Variants in FRMD3 observed in about 807,000 individuals in gnomAD.
FRMD3 encodes the protein FERM domain-containing protein 3.
Under a neutral mutation model 70.2 loss-of-function variants are expected in FRMD3, and 33 were observed. The ratio of observed to expected loss-of-function variants is 0.47; its 90% confidence interval spans 0.36 to 0.63. FRMD3 has a LOEUF of 0.63. FRMD3 is among the 20% of genes least tolerant of loss of function. The pLI is 0.00. For synonymous variants in FRMD3, 279 were observed against 255.9 expected (o/e 1.09, Z -0.86); for missense variants, 632 against 711.4 (o/e 0.89, Z 1.27).
intron 6 of FRMD3, among the ~76,000 whole-genome samples, chr9:83,317,505 C>T (rs1398451709): frequency 6.6e-6 from 1 of 152,160 alleles, no homozygotes; most frequent in African/African-American, 2.4e-5. Flanking sequence ...ACAGAGCTAG[C>T]CATTCTCATT....
At chr9:83,258,893 C>T (rs1032895702) in intron 13 of FRMD3, among the ~76,000 whole-genome samples, 3 of 152,182 alleles carry the variant, frequency 2.0e-5, no homozygotes, top group African/African-American at 7.2e-5. Flanking sequence ...TTAGGAACCA[C>T]CATACTAGTT....
At chr9:83,438,582 T>G (rs1227934840) in intron 1 of FRMD3, among the ~76,000 whole-genome samples, 1 of 152,138 alleles carries the variant, frequency 6.6e-6, no homozygotes, top group Non-Finnish European at 1.5e-5. Context: ...GTATTTTTAG[T>G]AGAGACAGGG....
chr9:83,572,865 T>C, the FRMD3 span, among the ~76,000 whole-genome samples: 1 of 152,188 alleles, frequency 6.6e-6, no homozygotes, highest in Non-Finnish European at 1.5e-5. Context: ...TTATGAAATA[T>C]TCAATAAAAA....
chr9:83,245,465 C>A lies in FRMD3; in HGVS notation c.*2453G>T. ...TCAGCAGACCCTATTCTGTCAACTT[C>A]TTCACTTAAAAACATTTCTATTCAA... On this transcript the variant is annotated 3_prime_UTR_variant, in exon 14 of 14. Transcript: ENST00000304195. The A allele has an allele frequency of 1.0e-6, 1 of 984,950 alleles. No homozygotes were observed. Among genetic ancestry groups the A allele is most frequent in the Non-Finnish European group, 1.2e-6 (1 of 829,550 alleles). 61.0% of individuals were successfully genotyped at this position (984,950 alleles called of 1,614,324 possible). A position where few individuals can be genotyped will look rare whatever the true frequency, so the allele number is the denominator to read the frequency against.
chr9:83,369,404 T>C (rs887528099), intron 3 of FRMD3, among the ~76,000 whole-genome samples: 33 of 151,862 alleles, frequency 2.2e-4, no homozygotes, highest in African/African-American at 7.7e-4. Context: ...GGCAAAACCC[T>C]GTCTCTACTA....
the FRMD3 span, among the ~76,000 whole-genome samples, chr9:83,579,792 T>C: frequency 6.6e-6 from 1 of 152,176 alleles, no homozygotes; most frequent in Non-Finnish European, 1.5e-5. Context: ...AATGTAATTG[T>C]ATCAAACTAA....
the FRMD3 span, among the ~76,000 whole-genome samples, chr9:83,550,687 A>AGTGTGTGTGT: frequency 0.026 from 3,677 of 138,870 alleles, 67 homozygotes; most frequent in East Asian, 0.04. Flanking sequence ...AGTCCTAGGT[A>AGTGTGTGTGT]GTGTGTGTGT....
intron 2 of FRMD3, among the ~76,000 whole-genome samples, chr9:83,387,960 T>G (rs1304078950): frequency 1.3e-5 from 2 of 152,102 alleles, no homozygotes; most frequent in African/African-American, 2.4e-5. Context: ...TGGGAACCAG[T>G]GTTACTCAGT....
At chr9:83,392,657 A>C (rs1244670102) in intron 1 of FRMD3, among the ~76,000 whole-genome samples, 1 of 152,130 alleles carries the variant, frequency 6.6e-6, no homozygotes, top group Non-Finnish European at 1.5e-5. Flanking sequence ...CTCATGGAAA[A>C]CATGAGGTCT....
chr9:83,444,323 T>C (rs1827393491), intron 1 of FRMD3, among the ~76,000 whole-genome samples: 1 of 152,198 alleles, frequency 6.6e-6, no homozygotes, highest in Non-Finnish European at 1.5e-5. Flanking sequence ...TTTTTACACA[T>C]AAAACCAAGC....
At chr9:83,371,787 A>G (rs1824982370) in intron 3 of FRMD3, among the ~76,000 whole-genome samples, 2 of 152,078 alleles carry the variant, frequency 1.3e-5, no homozygotes, top group Admixed American at 1.3e-4. Flanking sequence ...AACCAGACAG[A>G]GTTTGCCCTT....
chr9:83,345,510 C>G (rs1240986432), intron 4 of FRMD3, among the ~76,000 whole-genome samples: 1 of 152,148 alleles, frequency 6.6e-6, no homozygotes, highest in African/African-American at 2.4e-5. Flanking sequence ...GTAATCCCAG[C>G]AATTTGGGAG....
intron 1 of FRMD3, among the ~76,000 whole-genome samples, chr9:83,435,757 T>A (rs576375050): frequency 5.2e-4 from 79 of 152,356 alleles, no homozygotes; most frequent in African/African-American, 1.9e-3. Flanking sequence ...AAAATTGAGA[T>A]GTTTTTAGGG....
At chr9:83,440,264 T>C (rs935310412) in intron 1 of FRMD3, among the ~76,000 whole-genome samples, 11 of 152,228 alleles carry the variant, frequency 7.2e-5, no homozygotes, top group Non-Finnish European at 1.0e-4. Context: ...CAAACTGTCA[T>C]TTAGATTAAT....
chr9:83,444,048 G>A (rs1827385235), intron 1 of FRMD3, among the ~76,000 whole-genome samples: 1 of 152,168 alleles, frequency 6.6e-6, no homozygotes, highest in Non-Finnish European at 1.5e-5. Flanking sequence ...ATGTTCAAAT[G>A]TTACAATTAA....
intron 1 of FRMD3, among the ~76,000 whole-genome samples, chr9:83,399,963 C>G (rs532442362): frequency 6.6e-6 from 1 of 151,376 alleles, no homozygotes; most frequent in Admixed American, 6.6e-5. Context: ...CAACACCATA[C>G]TGGAAGTCCT....
chr9:83,498,808 C>A (rs780449807), intron 1 of FRMD3, among the ~76,000 whole-genome samples: 64 of 152,082 alleles, frequency 4.2e-4, no homozygotes, highest in Non-Finnish European at 7.8e-4. Context: ...AGCTCTTAGA[C>A]AAGACCTTCC....
chr9:83,325,946 C>G (rs560834907), intron 6 of FRMD3, among the ~76,000 whole-genome samples: 34 of 152,254 alleles, frequency 2.2e-4, no homozygotes, highest in Admixed American at 1.9e-3. Context: ...ATCATCACAC[C>G]CACTTATCTG....
intron 1 of FRMD3, among the ~76,000 whole-genome samples, chr9:83,435,788 C>T (rs948672091): frequency 6.6e-6 from 1 of 152,078 alleles, no homozygotes; most frequent in African/African-American, 2.4e-5. Context: ...AATGGAGATT[C>T]CCTAACCCAT....
Sources: gnomAD v4.1 joint callset for allele counts (sites outside exome capture counted in the v4.1 genomes callset) on GRCh38, gnomAD v4.1.1 for gene constraint, MANE v1.5 for transcripts, NCBI Gene and HGNC (gene_info 2026-07-23, HGNC 2026-07-21) for gene names.